Variants in CEP112 observed in about 807,000 individuals in gnomAD.
The protein encoded by CEP112 is centrosomal protein of 112 kDa.
CEP112 carries 127 observed loss-of-function variants against 153.0 expected under a neutral mutation model. The observed-to-expected ratio is 0.83, with a 90% CI of 0.72 to 0.96. CEP112 has a LOEUF of 0.96. CEP112 is among the 40% of genes least tolerant of loss of function. The pLI, the probability that CEP112 is intolerant of heterozygous loss-of-function variation, is 0.00. For missense variants in CEP112, 1,089 were observed against 1,101.2 expected, an observed-to-expected ratio of 0.99 and a Z score of 0.16; for synonymous variants, 358 against 374.4, an observed-to-expected ratio of 0.96 and a Z score of 0.51.
chr17:66,160,487 A>C (rs1248566641), intron 4 of CEP112, among the ~76,000 whole-genome samples: 1 of 152,230 alleles, frequency 6.6e-6, no homozygotes, highest in African/African-American at 2.4e-5. Context: ...ACTGGTACCA[A>C]AACAGATATA....
At chr17:66,042,915 G>A (rs1440851410) in intron 12 of CEP112, among the ~76,000 whole-genome samples, 2 of 152,024 alleles carry the variant, frequency 1.3e-5, no homozygotes, top group Non-Finnish European at 2.9e-5. Context: ...AGATTCTCTC[G>A]ATTATAATCA....
intron 16 of CEP112, 48 bp from the exon 17 acceptor site, chr17:66,005,817 T>C: frequency 6.7e-7 from 1 of 1,502,466 alleles, no homozygotes; most frequent in Non-Finnish European, 9.0e-7. Flanking sequence ...GAGTAAAGTT[T>C]ACTTCAAAGA....
intron 21 of CEP112, among the ~76,000 whole-genome samples, chr17:65,752,622 A>G (rs917005512): frequency 1.3e-5 from 2 of 152,194 alleles, no homozygotes; most frequent in African/African-American, 4.8e-5. Context: ...CATCTGTCCC[A>G]AATGCAGACT....
chr17:65,918,148 C>A (rs1227002687), intron 19 of CEP112, among the ~76,000 whole-genome samples: 1 of 149,030 alleles, frequency 6.7e-6, no homozygotes, highest in African/African-American at 2.5e-5. Context: ...CCACTGCACT[C>A]CAGCCTGAGT....
At chr17:65,916,827 A>G (rs947171524) in intron 19 of CEP112, among the ~76,000 whole-genome samples, 1 of 152,036 alleles carries the variant, frequency 6.6e-6, no homozygotes, top group Admixed American at 6.6e-5. Flanking sequence ...AAATACAGGC[A>G]TAAGCCACTG....
intron 23 of CEP112, 119 bp downstream of exon 23, chr17:65,742,949 T>G (rs2051217051): frequency 1.4e-6 from 1 of 714,958 alleles, no homozygotes. Flanking sequence ...ATGGAATTAC[T>G]GCAGGCTGTG....
At chr17:65,713,987 T>C (rs762195090) in intron 23 of CEP112, among the ~76,000 whole-genome samples, 2 of 152,166 alleles carry the variant, frequency 1.3e-5, no homozygotes, top group African/African-American at 4.8e-5. Flanking sequence ...CATCTGTCAA[T>C]TGGATTTTGT....
chr17:66,055,849 C>T (rs1245135690), intron 11 of CEP112, among the ~76,000 whole-genome samples: 4 of 152,174 alleles, frequency 2.6e-5, no homozygotes, highest in Admixed American at 2.6e-4. Context: ...ACTAGATAGG[C>T]ATCTGGTCTC....
chr17:65,777,728 A>T (rs1255057948), intron 21 of CEP112, among the ~76,000 whole-genome samples: 1 of 152,090 alleles, frequency 6.6e-6, no homozygotes, highest in Non-Finnish European at 1.5e-5. Context: ...CTTTTATTTT[A>T]GTTTATTATA....
chr17:65,774,790 A>G (rs1214931949), intron 21 of CEP112, among the ~76,000 whole-genome samples: 1 of 152,114 alleles, frequency 6.6e-6, no homozygotes, highest in East Asian at 1.9e-4. Flanking sequence ...GCACAGCCAA[A>G]TGGTGATTCA....
chr17:65,837,039 G>A (rs916081785), intron 21 of CEP112, among the ~76,000 whole-genome samples: 5 of 152,182 alleles, frequency 3.3e-5, no homozygotes, highest in African/African-American at 9.6e-5. Context: ...TCCTAAATGC[G>A]AGTGATCTGC....
At chr17:65,812,620 T>C (rs1402718590) in intron 21 of CEP112, among the ~76,000 whole-genome samples, 1 of 152,094 alleles carries the variant, frequency 6.6e-6, no homozygotes, top group African/African-American at 2.4e-5. Context: ...TTATATATTA[T>C]CTCCACAAGA....
chr17:65,706,249 A>G (rs979615114), intron 23 of CEP112, among the ~76,000 whole-genome samples: 4 of 152,374 alleles, frequency 2.6e-5, no homozygotes, highest in African/African-American at 9.6e-5. Context: ...TAATAGCTAC[A>G]GTTCTGACAG....
chr17:65,776,544 T>C (rs1163287228), intron 21 of CEP112, among the ~76,000 whole-genome samples: 1 of 152,214 alleles, frequency 6.6e-6, no homozygotes, highest in Non-Finnish European at 1.5e-5. Context: ...TTTTTATAGT[T>C]AGTATGTGAT....
chr17:65,660,921 AC>A (rs2046359266), intron 24 of CEP112, among the ~76,000 whole-genome samples: 1 of 151,806 alleles, frequency 6.6e-6, no homozygotes, highest in African/African-American at 2.4e-5. Flanking sequence ...GATTCTCCAC[AC>A]TGTTGCATGT....
At chr17:66,020,038 C>G (rs2064937934) in intron 16 of CEP112, among the ~76,000 whole-genome samples, 1 of 152,184 alleles carries the variant, frequency 6.6e-6, no homozygotes, top group African/African-American at 2.4e-5. Context: ...TTACAAATAG[C>G]CAGTGCATCC....
At chr17:66,070,669 T>C (rs991539238) in intron 8 of CEP112, among the ~76,000 whole-genome samples, 4 of 152,146 alleles carry the variant, frequency 2.6e-5, no homozygotes, top group Non-Finnish European at 4.4e-5. Flanking sequence ...ATCTTCTTAA[T>C]ATAAGAAGGG....
chr17:66,169,831 A>G (rs2072169152), intron 4 of CEP112, among the ~76,000 whole-genome samples: 1 of 152,240 alleles, frequency 6.6e-6, no homozygotes, highest in Non-Finnish European at 1.5e-5. Context: ...TACAAATTTA[A>G]CAGCTTTAAA....
intron 17 of CEP112, among the ~76,000 whole-genome samples, chr17:65,969,533 T>C (rs1237871336): frequency 1.3e-5 from 2 of 152,066 alleles, no homozygotes; most frequent in Non-Finnish European, 2.9e-5. Context: ...ATATTGCATG[T>C]ATGTTACTTA....
Sources: allele counts gnomAD v4.1 joint callset (sites outside exome capture counted in the v4.1 genomes callset), GRCh38; gene constraint gnomAD v4.1.1; transcripts MANE v1.5; gene names NCBI Gene and HGNC (gene_info 2026-07-23, HGNC 2026-07-21).